Variants in HCN1 observed in about 807,000 individuals in gnomAD.
HCN1 encodes the protein potassium/sodium hyperpolarization-activated cyclic nucleotide-gated channel 1.
In HCN1, 13 loss-of-function variants were observed where a neutral mutation model predicts 78.9. The ratio of observed to expected loss-of-function variants is 0.16; its 90% CI spans 0.11 to 0.26. The LOEUF is 0.26. Ranked by LOEUF, HCN1 falls within the 10% of genes least tolerant of loss-of-function variation. HCN1 has a pLI of 1.00. For missense variants in HCN1, 810 were observed against 1,154.3 expected (o/e 0.70, Z 4.32); for synonymous variants, 552 against 455.5 (o/e 1.21, Z -2.70).
chr5:45,409,520 A>G lies in HCN1; in HGVS notation c.1012-12810T>C, dbSNP rs796913828. Among the ~76,000 whole-genome samples, 11 of 152,162 alleles carry G rather than the reference A, an allele frequency of 7.2e-5. 1 individual carries two copies. The highest frequency in any genetic ancestry group is 2.6e-4 in the African/African-American group (11 of 41,572). On this transcript the variant is annotated intron_variant, in intron 3 of 7. Transcript: ENST00000303230. Reference sequence around the variant, plus strand: ...TCAAAAATCATGCTCTCACCTTTACAGATTCTAAAATTCCATCTTAGTAAT... The same window carrying G: ...TCAAAAATCATGCTCTCACCTTTACGGATTCTAAAATTCCATCTTAGTAAT...
At chr5:45,531,791 G>A (rs531756348) in intron 2 of HCN1, among the ~76,000 whole-genome samples, 1 of 152,150 alleles carries the variant, frequency 6.6e-6, no homozygotes, top group Admixed American at 6.5e-5. Flanking sequence ...TGTAATCCAA[G>A]CACTTTGGGA....
At chr5:45,378,405 AAAG>A (rs1176674096) in intron 4 of HCN1, among the ~76,000 whole-genome samples, 3 of 152,092 alleles carry the variant, frequency 2.0e-5, no homozygotes, top group Non-Finnish European at 4.4e-5. Context: ...GTCCAGCAAG[AAAG>A]AAGTATTCCA....
intron 6 of HCN1, among the ~76,000 whole-genome samples, chr5:45,279,750 A>G (rs1006925966): frequency 8.5e-5 from 13 of 152,168 alleles, no homozygotes; most frequent in African/African-American, 3.1e-4. Flanking sequence ...TATTATTTCA[A>G]AGATAAAATT....
rs1744644765 is a variant in HCN1, at chr5:45,257,596, TG to T, written c.*4324del. 6.6e-6 allele frequency: 1 copy of T among 152,168 alleles called. No individual in the cohort carries two copies. Among genetic ancestry groups the T allele is most frequent in the African/African-American group, 2.4e-5 (1 of 41,436 alleles). The allele number at this position is 152,168 out of a possible 1,614,324, so 9.4% of individuals were successfully genotyped here. A position where few individuals can be genotyped will look rare whatever the true frequency, so the allele number is the denominator to read the frequency against. ...CATTTGTCCCTGTCAAAGCCTGAAT[TG>T]GAAGCAGGGTCAGCATTAGGGTGAG... On this transcript the variant is annotated 3_prime_UTR_variant, in exon 8 of 8. Transcript: ENST00000303230.
At position 45,262,009 on chromosome 5, in the gene HCN1, G is replaced by A. The variant is rs751073592; in HGVS notation, c.2585C>T (p.Pro862Leu). 20 of 1,614,018 alleles carry A rather than the reference G, an allele frequency of 1.2e-5. No homozygotes were observed. The change falls in exon 8 of 8, where the codon CCA (proline) becomes CTA (leucine). Residue 862 changes from proline (P) to leucine (L), a missense_variant. Pro to Leu is a moderately conservative substitution (Grantham distance 98, BLOSUM62 -3). This residue lies in a region of HCN1 where 398 missense variants were observed against 381.3 expected (regional missense o/e 1.04). Transcript: ENST00000303230. ...PNRGVPPAPP[P>L]PAAALPRESS... ...TTCTCTTGGAAGAGCAGCTGCTGGT[G>A]GAGGGGGTGCTGGAGGGACTCCTCG...
chr5:45,519,177 CAA>C (rs979715711), intron 2 of HCN1, among the ~76,000 whole-genome samples: 1 of 151,846 alleles, frequency 6.6e-6, no homozygotes, highest in African/African-American at 2.4e-5. Context: ...ACAACAACAA[CAA>C]AAAGTCTGGC....
chr5:45,289,057 GT>G, intron 6 of HCN1, among the ~76,000 whole-genome samples: 1 of 151,864 alleles, frequency 6.6e-6, no homozygotes, highest in Non-Finnish European at 1.5e-5. Flanking sequence ...CATAAGCTGT[GT>G]TTTTGGGGGG....
intron 2 of HCN1, among the ~76,000 whole-genome samples, chr5:45,579,169 T>G (rs1295837788): frequency 6.6e-6 from 1 of 152,124 alleles, no homozygotes; most frequent in East Asian, 1.9e-4. Context: ...GCTACAGATT[T>G]TTAAACTTAA....
At chr5:45,579,049 A>G (rs1405300422) in intron 2 of HCN1, among the ~76,000 whole-genome samples, 1 of 152,078 alleles carries the variant, frequency 6.6e-6, no homozygotes, top group Non-Finnish European at 1.5e-5. Context: ...TAATGTTTTT[A>G]AACCAAACTT....
At chr5:45,505,053 C>T (rs1372990810) in intron 2 of HCN1, among the ~76,000 whole-genome samples, 1 of 152,130 alleles carries the variant, frequency 6.6e-6, no homozygotes, top group East Asian at 1.9e-4. Context: ...TGTAGGTTGC[C>T]TGTTCACTCT....
In HCN1 at chr5:45,474,335, C is replaced by T. The variant is rs140931676; in HGVS notation, c.850-12328G>A. On this transcript the variant is annotated intron_variant, in intron 2 of 7. Transcript: ENST00000303230. Reference sequence around the variant, plus strand: ...AGCTTATCATGAGGATAATGCTAGACTTACTCAGTTCCCTTGACATCCACA... The same window carrying T: ...AGCTTATCATGAGGATAATGCTAGATTTACTCAGTTCCCTTGACATCCACA... 7.4e-3 allele frequency among the ~76,000 whole-genome samples: 1,119 copies of T among 151,960 alleles called. 12 individuals are homozygous for T. Among genetic ancestry groups the T allele is most frequent in the African/African-American group, 0.026 (1,071 of 41,510 alleles).
At chr5:45,344,277 G>A (rs1561115453) in intron 5 of HCN1, among the ~76,000 whole-genome samples, 1 of 152,094 alleles carries the variant, frequency 6.6e-6, no homozygotes, top group Non-Finnish European at 1.5e-5. Context: ...CCCATGACAT[G>A]TAGGGATTAT....
chr5:45,352,722 TG>T (rs1278613562), intron 5 of HCN1, among the ~76,000 whole-genome samples: 1 of 151,870 alleles, frequency 6.6e-6, no homozygotes, highest in African/African-American at 2.4e-5. Flanking sequence ...AGCAAGTCAT[TG>T]TCTTATCAGG....
chr5:45,351,020 A>C (rs1579832176), intron 5 of HCN1, among the ~76,000 whole-genome samples: 1 of 152,278 alleles, frequency 6.6e-6, no homozygotes, highest in Admixed American at 6.5e-5. Context: ...AATTGGAAAA[A>C]ACTACTTTAA....
At chr5:45,489,105 G>A (rs1741829857) in intron 2 of HCN1, among the ~76,000 whole-genome samples, 1 of 152,200 alleles carries the variant, frequency 6.6e-6, no homozygotes, top group Non-Finnish European at 1.5e-5. Flanking sequence ...GAGTTCAGAA[G>A]AGTTGGGTGT....
rs1031863244 is a variant in HCN1 at position 45,696,235 on chromosome 5, G to T, written c.-142C>A. 15 of 218,016 alleles carry T rather than the reference G, an allele frequency of 6.9e-5. No homozygotes were observed. Among genetic ancestry groups the T allele is most frequent in the Non-Finnish European group, 1.1e-4 (14 of 127,700 alleles). The allele number at this position is 218,016 out of a possible 1,614,324, so 13.5% of individuals were successfully genotyped here. ...CGTCGCGGCGGCGGCGGCGGCGGCG[G>T]CGGCTGCTGCTTCCCGACCGCGCCG... On this transcript the variant is annotated 5_prime_UTR_variant, in exon 1 of 8. Coordinates refer to ENST00000303230, the MANE Select transcript of HCN1 (RefSeq NM_021072.4).
chr5:45,384,192 G>A lies in HCN1; in HGVS notation c.1230+12300C>T, dbSNP rs112084628. ...TCCTTTACATCCCCGTGCAGTATTTGGTGTTTAGTAAAGCTGCTTACAATG... is the reference window on the plus strand; with the variant it reads ...TCCTTTACATCCCCGTGCAGTATTTAGTGTTTAGTAAAGCTGCTTACAATG... On this transcript the variant is annotated intron_variant, in intron 4 of 7. Coordinates refer to ENST00000303230, the MANE Select transcript of HCN1 (RefSeq NM_021072.4). 1.3e-3 allele frequency among the ~76,000 whole-genome samples: 202 copies of A among 152,090 alleles called. 2 individuals carry two copies. The highest frequency in any genetic ancestry group is 4.7e-3 in the African/African-American group (196 of 41,504).
intron 2 of HCN1, among the ~76,000 whole-genome samples, chr5:45,584,304 G>T (rs924029893): frequency 6.6e-6 from 1 of 151,998 alleles, no homozygotes; most frequent in African/African-American, 2.4e-5. Context: ...TGTCTCTTTT[G>T]ATCTTTGTTG....
At chr5:45,392,146 T>A (rs1411183059) in intron 4 of HCN1, among the ~76,000 whole-genome samples, 6 of 152,172 alleles carry the variant, frequency 3.9e-5, no homozygotes, top group Non-Finnish European at 7.3e-5. Context: ...TGAAATAAAC[T>A]CTATTGCAAA....
Sources: allele counts gnomAD v4.1 joint callset (sites outside exome capture counted in the v4.1 genomes callset), GRCh38; gene constraint gnomAD v4.1.1; regional missense constraint gnomAD v4.1.1; transcripts MANE v1.5; gene names NCBI Gene and HGNC (gene_info 2026-07-23, HGNC 2026-07-21).